Variants in THSD7A observed in about 807,000 individuals in gnomAD.
The protein encoded by THSD7A is thrombospondin type 1 domain containing 7A.
THSD7A carries 96 observed loss-of-function variants against 231.3 expected under a neutral mutation model. The ratio of observed to expected loss-of-function variants is 0.41; its 90% CI spans 0.35 to 0.49. The LOEUF (loss-of-function observed/expected upper bound fraction) is 0.49, where lower values mean the gene tolerates loss of function less well. Among genes scored for constraint, THSD7A ranks in the 20% least tolerant of loss-of-function variants. THSD7A has a pLI of 0.05. For missense variants in THSD7A, 2,290 were observed against 2,070.2 expected (o/e 1.11, Z -2.06); for synonymous variants, 940 against 743.3 (o/e 1.26, Z -4.30).
chr7:11,593,633 A>G, intron 2 of THSD7A, 131 bp from the exon 3 acceptor site: 1 of 1,074,552 alleles, frequency 9.3e-7, no homozygotes, highest in Non-Finnish European at 1.3e-6. Flanking sequence ...TTCATCGAAA[A>G]TACATCAACA....
intron 1 of THSD7A, among the ~76,000 whole-genome samples, chr7:11,704,426 C>G (rs1780699459): frequency 6.7e-6 from 1 of 150,302 alleles, no homozygotes. Context: ...GTGACATAAC[C>G]CTATGGGGAA....
intron 1 of THSD7A, among the ~76,000 whole-genome samples, chr7:11,764,699 T>C (rs887185839): frequency 2.0e-5 from 3 of 152,180 alleles, no homozygotes; most frequent in African/African-American, 7.2e-5. Flanking sequence ...TCATAATTTT[T>C]AGTAATTATG....
intron 1 of THSD7A, among the ~76,000 whole-genome samples, chr7:11,720,397 C>T (rs1430652214): frequency 6.6e-6 from 1 of 151,738 alleles, no homozygotes; most frequent in Non-Finnish European, 1.5e-5. Context: ...ATGCTGGATT[C>T]CATCTCTGTT....
chr7:11,829,709 A>G (rs1785136780), intron 1 of THSD7A, among the ~76,000 whole-genome samples: 1 of 152,000 alleles, frequency 6.6e-6, no homozygotes, highest in East Asian at 1.9e-4. Context: ...ATTTTCATTT[A>G]TGGTATATCT....
rs574247083 is a variant in THSD7A, at chr7:11,567,282, A to G, written c.1453+23178T>C. Among the ~76,000 whole-genome samples the G allele has an allele frequency of 2.2e-4, 34 of 152,254 alleles. No individual in the cohort carries two copies. The South Asian group carries it at 6.9e-3, about 31-fold the overall frequency. On this transcript the variant is annotated intron_variant, in intron 4 of 27. Transcript: ENST00000423059. ...AGACACTTCCCCCTCAAGGCAGCAG[A>G]AAAGACAAGTGCAGAGTAAAGGGGG...
At position 11,460,649 on chromosome 7, in the gene THSD7A, TG is replaced by T. The variant is rs1265646453; in HGVS notation, c.2605+12del. On this transcript the variant is annotated intron_variant, in intron 11 of 27. Transcript: ENST00000423059. ...GATGCTGGAGAAATGAACTGTGGAA[TG>T]GGGCCTCCCACCTCTTGCCTGTCGC... 11 of 1,594,052 alleles carry T rather than the reference TG, an allele frequency of 6.9e-6. No homozygotes were observed. The highest frequency in any genetic ancestry group is 9.4e-6 in the Non-Finnish European group (11 of 1,169,094).
intron 4 of THSD7A, among the ~76,000 whole-genome samples, chr7:11,573,010 G>A (rs528559781): frequency 6.6e-6 from 1 of 152,188 alleles, no homozygotes; most frequent in Non-Finnish European, 1.5e-5. Context: ...ATTATTGGCA[G>A]ATCCTACTGA....
chr7:11,503,472 CTT>C (rs1318675018), intron 6 of THSD7A, among the ~76,000 whole-genome samples: 1 of 152,128 alleles, frequency 6.6e-6, no homozygotes, highest in African/African-American at 2.4e-5. Flanking sequence ...TCTAATTAAA[CTT>C]AAGAGCTTCT....
chr7:11,395,364 A>G (rs932944713), intron 23 of THSD7A, among the ~76,000 whole-genome samples: 2 of 152,118 alleles, frequency 1.3e-5, no homozygotes, highest in African/African-American at 4.8e-5. Flanking sequence ...CTCCCACACA[A>G]TAATAGTGGG....
At chr7:11,783,391 G>C (rs1388535860) in intron 1 of THSD7A, among the ~76,000 whole-genome samples, 1 of 151,872 alleles carries the variant, frequency 6.6e-6, no homozygotes, top group Non-Finnish European at 1.5e-5. Flanking sequence ...GATACTCAAA[G>C]TATGGTGCCT....
intron 1 of THSD7A, among the ~76,000 whole-genome samples, chr7:11,800,970 TGG>T (rs1473514180): frequency 1.6e-4 from 25 of 152,164 alleles, no homozygotes; most frequent in South Asian, 4.1e-4. Context: ...GTCAAAGTGA[TGG>T]TATCAAGGGT....
At chr7:11,722,920 G>A (rs890336884) in intron 1 of THSD7A, among the ~76,000 whole-genome samples, 45 of 152,028 alleles carry the variant, frequency 3.0e-4, no homozygotes, top group Admixed American at 1.4e-3. Flanking sequence ...TCAGTGTGGC[G>A]ATTCCTCAGG....
intron 6 of THSD7A, among the ~76,000 whole-genome samples, chr7:11,521,535 C>T (rs1788266223): frequency 1.4e-5 from 2 of 141,706 alleles, no homozygotes; most frequent in Admixed American, 1.4e-4. Flanking sequence ...TACATGTGCA[C>T]ATTGTGCAGG....
chr7:11,437,442 G>C (rs1206209215), intron 13 of THSD7A, among the ~76,000 whole-genome samples: 1 of 151,906 alleles, frequency 6.6e-6, no homozygotes, highest in Non-Finnish European at 1.5e-5. Flanking sequence ...CTTTAAACTT[G>C]CAACTAGTTA....
chr7:11,698,339 T>C (rs1284956214), intron 1 of THSD7A, among the ~76,000 whole-genome samples: 2 of 151,350 alleles, frequency 1.3e-5, no homozygotes, highest in Non-Finnish European at 3.0e-5. Context: ...TTTTTTTCAT[T>C]CTTTCAAATT....
At chr7:11,471,504 A>T (rs1254657261) in intron 8 of THSD7A, among the ~76,000 whole-genome samples, 2 of 151,880 alleles carry the variant, frequency 1.3e-5, no homozygotes, top group Non-Finnish European at 2.9e-5. Flanking sequence ...ATTTATGTAA[A>T]TTTTCTTCTT....
chr7:11,548,045 C>T lies in THSD7A; in HGVS notation c.1454-4928G>A, dbSNP rs1197026141. On this transcript the variant is annotated intron_variant, in intron 4 of 27. Transcript: ENST00000423059. ...CTTTCCAAAACAGTGTAATAAAAAC[C>T]CACAAGCAAAACAATGACCAAACTA... 2.6e-5 allele frequency among the ~76,000 whole-genome samples: 4 copies of T among 152,064 alleles called. No homozygotes were observed. In the South Asian group the frequency reaches 6.2e-4, roughly 24 times the overall value.
intron 22 of THSD7A, among the ~76,000 whole-genome samples, chr7:11,403,328 C>T (rs950710813): frequency 3.3e-5 from 5 of 151,932 alleles, no homozygotes; most frequent in Non-Finnish European, 5.9e-5. Flanking sequence ...CATATATATA[C>T]GTAATAGCAA....
intron 1 of THSD7A, among the ~76,000 whole-genome samples, chr7:11,791,831 G>C (rs966559636): frequency 1.3e-5 from 2 of 151,786 alleles, no homozygotes; most frequent in African/African-American, 4.8e-5. Flanking sequence ...CCTTTCTTTG[G>C]ATTCATCATC....
Sources: gnomAD v4.1 joint callset for allele counts (sites outside exome capture counted in the v4.1 genomes callset) on GRCh38, gnomAD v4.1.1 for gene constraint, MANE v1.5 for transcripts, NCBI Gene and HGNC (gene_info 2026-07-23, HGNC 2026-07-21) for gene names.